Variants in SDK1 observed in about 807,000 individuals in gnomAD.
SDK1 encodes protein sidekick-1.
Under a neutral mutation model 245.5 loss-of-function variants are expected in SDK1, and 157 were observed. The observed-to-expected ratio is 0.64, with a 90% CI of 0.56 to 0.73. SDK1 has a LOEUF of 0.73. Among genes scored for constraint, SDK1 ranks in the 30% least tolerant of loss-of-function variants. The pLI is 0.00. For synonymous variants in SDK1, 1,647 were observed against 1,278.5 expected, an observed-to-expected ratio of 1.29 and a Z score of -6.15; for missense variants, 3,583 against 3,002.3, an observed-to-expected ratio of 1.19 and a Z score of -4.52.
chr7:3,385,390 T>A (rs984040556), intron 1 of SDK1, among the ~76,000 whole-genome samples: 1 of 152,164 alleles, frequency 6.6e-6, no homozygotes, highest in Non-Finnish European at 1.5e-5. Flanking sequence ...AAATTCCCAT[T>A]TTTTGGTGAA....
chr7:3,581,074 C>T (rs567605429), intron 1 of SDK1, among the ~76,000 whole-genome samples: 1 of 149,146 alleles, frequency 6.7e-6, no homozygotes, highest in Non-Finnish European at 1.5e-5. Context: ...GATGAAGATG[C>T]TGAAAACAAT....
chr7:3,459,418 T>C (rs1780769223), intron 1 of SDK1, among the ~76,000 whole-genome samples: 1 of 152,192 alleles, frequency 6.6e-6, no homozygotes, highest in South Asian at 2.1e-4. Flanking sequence ...AGGCAGTCGA[T>C]ATAGTGCTGG....
At chr7:3,627,208 C>T (rs567102163) in intron 2 of SDK1, among the ~76,000 whole-genome samples, 3 of 152,244 alleles carry the variant, frequency 2.0e-5, no homozygotes, top group South Asian at 2.1e-4. Flanking sequence ...AGATTACAGG[C>T]GTGAGCTGCC....
intron 19 of SDK1, among the ~76,000 whole-genome samples, chr7:4,058,875 G>A (rs1358019314): frequency 6.6e-6 from 1 of 152,152 alleles, no homozygotes; most frequent in African/African-American, 2.4e-5. Flanking sequence ...TGAAGTGAAA[G>A]AACAATATCT....
At chr7:3,777,357 A>G (rs533825290) in intron 4 of SDK1, among the ~76,000 whole-genome samples, 1 of 152,354 alleles carries the variant, frequency 6.6e-6, no homozygotes, top group South Asian at 2.1e-4. Flanking sequence ...ATGTTTGAGG[A>G]AGACTTTATG....
chr7:4,187,953 G>GT (rs1782987103), intron 35 of SDK1, among the ~76,000 whole-genome samples: 6 of 152,148 alleles, frequency 3.9e-5, no homozygotes, highest in African/African-American at 1.4e-4. Context: ...CACGTGGCTG[G>GT]GGAAGGTGAA....
intron 1 of SDK1, among the ~76,000 whole-genome samples, chr7:3,418,519 G>A (rs1255008464): frequency 1.3e-5 from 2 of 151,864 alleles, no homozygotes; most frequent in African/African-American, 4.8e-5. Flanking sequence ...AAAAAGACAG[G>A]TGGCATAAAA....
At chr7:3,616,322 C>T (rs1217778768) in intron 1 of SDK1, among the ~76,000 whole-genome samples, 4 of 152,336 alleles carry the variant, frequency 2.6e-5, no homozygotes, top group Non-Finnish European at 4.4e-5. Flanking sequence ...GCAGCATGGA[C>T]AGTCACGCAA....
chr7:3,535,647 G>C (rs73303076), intron 1 of SDK1, among the ~76,000 whole-genome samples: 2,533 of 152,268 alleles, frequency 0.017, 56 homozygotes, highest in African/African-American at 0.05. Context: ...CATTGTATGA[G>C]AAACTATGTC....
chr7:3,679,483 C>T (rs962730001), intron 4 of SDK1, among the ~76,000 whole-genome samples: 2 of 152,076 alleles, frequency 1.3e-5, no homozygotes, highest in African/African-American at 2.4e-5. Context: ...AGGAGAATGG[C>T]GTGAACCCGG....
Position 3,642,160 on chromosome 7 carries a change from C to T in SDK1, c.713+55C>T. 6 of 1,527,518 alleles carry T rather than the reference C, an allele frequency of 3.9e-6. No homozygotes were observed. In the South Asian group the frequency reaches 6.9e-5, roughly 17 times the overall value. The allele number at this position is 1,527,518 out of a possible 1,614,324, so 94.6% of individuals were successfully genotyped here. A position where few individuals can be genotyped will look rare whatever the true frequency, so the allele number is the denominator to read the frequency against. ...ATACAATTGTAATGTCACTTGCTGG[C>T]ACCATCTACACAGTAAGTGTACCAA... On this transcript the variant is annotated intron_variant, in intron 4 of 44. Coordinates refer to ENST00000404826, the MANE Select transcript of SDK1 (RefSeq NM_152744.4).
intron 1 of SDK1, among the ~76,000 whole-genome samples, chr7:3,356,793 C>G (rs896747041): frequency 6.6e-6 from 1 of 152,096 alleles, no homozygotes; most frequent in Non-Finnish European, 1.5e-5. Flanking sequence ...CACGGTGGCT[C>G]ATGCCTGTAA....
intron 1 of SDK1, among the ~76,000 whole-genome samples, chr7:3,538,900 A>C (rs1351404248): frequency 6.6e-6 from 1 of 152,238 alleles, no homozygotes; most frequent in Non-Finnish European, 1.5e-5. Flanking sequence ...ATGGTTGTCC[A>C]CACAAAGAGG....
intron 1 of SDK1, among the ~76,000 whole-genome samples, chr7:3,440,856 T>C: frequency 6.6e-6 from 1 of 152,178 alleles, no homozygotes; most frequent in East Asian, 1.9e-4. Flanking sequence ...GGTAAATTTG[T>C]GAGTGGAAGA....
chr7:3,990,530 G>C (rs1392687689), intron 14 of SDK1, among the ~76,000 whole-genome samples: 1 of 152,240 alleles, frequency 6.6e-6, no homozygotes, highest in Non-Finnish European at 1.5e-5. Context: ...CTGCCTGTAC[G>C]TAAAACAGGA....
intron 4 of SDK1, among the ~76,000 whole-genome samples, chr7:3,648,065 A>G (rs1367344533): frequency 6.6e-6 from 1 of 152,208 alleles, no homozygotes; most frequent in African/African-American, 2.4e-5. Context: ...ACTGAGTCCA[A>G]AGTTTGCTAT....
At chr7:3,783,598 G>A (rs915259856) in intron 4 of SDK1, among the ~76,000 whole-genome samples, 1 of 152,054 alleles carries the variant, frequency 6.6e-6, no homozygotes, top group Non-Finnish European at 1.5e-5. Flanking sequence ...AGGTTATCAA[G>A]GGAACAATTT....
In SDK1 at chr7:3,369,413, C is replaced by G. The variant is rs187226831; in HGVS notation, c.298+67529C>G. The stretch of plus-strand genomic sequence containing the variant: ...TGTGGTCACTTTTGTTCTACAATGA[C>G]AGAGCTGTGTAGATGTGACAGAGAT... On this transcript the variant is annotated intron_variant, in intron 1 of 44. Transcript: ENST00000404826. Among the ~76,000 whole-genome samples the G allele has an allele frequency of 3.1e-3, 472 of 152,254 alleles. 1 individual carries two copies. The highest frequency in any genetic ancestry group is 0.011 in the African/African-American group (444 of 41,544).
intron 4 of SDK1, among the ~76,000 whole-genome samples, chr7:3,778,106 C>T (rs1780618328): frequency 1.3e-5 from 2 of 152,190 alleles, no homozygotes; most frequent in African/African-American, 2.4e-5. Flanking sequence ...TCAAGTAGAG[C>T]AATGCATTTC....
Sources: gnomAD v4.1 joint callset for allele counts (sites outside exome capture counted in the v4.1 genomes callset) on GRCh38, gnomAD v4.1.1 for gene constraint, MANE v1.5 for transcripts, NCBI Gene and HGNC (gene_info 2026-07-23, HGNC 2026-07-21) for gene names.